Variants in RIT2 observed in about 807,000 individuals in gnomAD.
The protein encoded by RIT2 is Ras like without CAAX 2.
Under a neutral mutation model 23.7 loss-of-function variants are expected in RIT2, and 24 were observed. The ratio of observed to expected loss-of-function variants is 1.01; its 90% CI spans 0.73 to 1.43. The LOEUF is 1.43. RIT2 is among the 40% of genes most tolerant of loss of function. The pLI is 0.00. For missense variants in RIT2, 236 were observed against 266.9 expected, an observed-to-expected ratio of 0.88 and a Z score of 0.81; for synonymous variants, 107 against 91.1, an observed-to-expected ratio of 1.17 and a Z score of -0.99.
At chr18:42,928,977 G>A (rs2144141619) in intron 3 of RIT2, among the ~76,000 whole-genome samples, 1 of 143,274 alleles carries the variant, frequency 7.0e-6, no homozygotes, top group South Asian at 2.2e-4. Flanking sequence ...ATATATGACA[G>A]GCATGTAAGA....
intron 1 of RIT2, among the ~76,000 whole-genome samples, chr18:43,082,194 AG>A (rs1365898069): frequency 4.6e-5 from 7 of 152,252 alleles, no homozygotes; most frequent in Admixed American, 1.3e-4. Context: ...AGGTGTTTAT[AG>A]TATTCTGTAA....
intron 4 of RIT2, among the ~76,000 whole-genome samples, chr18:42,795,482 G>A (rs577876759): frequency 2.6e-5 from 4 of 152,342 alleles, no homozygotes; most frequent in South Asian, 2.1e-4. Context: ...GGCAGGGCTC[G>A]GGACCGGCAG....
At chr18:43,006,463 T>C (rs1192119525) in intron 2 of RIT2, among the ~76,000 whole-genome samples, 1 of 151,540 alleles carries the variant, frequency 6.6e-6, no homozygotes, top group African/African-American at 2.4e-5. Context: ...TAAAATGCAT[T>C]AAGAGCATAA....
chr18:42,926,857 T>A (rs1909191996), intron 3 of RIT2, among the ~76,000 whole-genome samples: 1 of 151,966 alleles, frequency 6.6e-6, no homozygotes, highest in South Asian at 2.1e-4. Flanking sequence ...GGTCTTTATA[T>A]TCCAGAAGCA....
chr18:42,995,264 A>T (rs191793734), intron 2 of RIT2, among the ~76,000 whole-genome samples: 1 of 152,120 alleles, frequency 6.6e-6, no homozygotes, highest in African/African-American at 2.4e-5. Flanking sequence ...CTTCTCAGGG[A>T]TTTTTCAGGC....
At chr18:42,839,582 C>T (rs142714854) in intron 4 of RIT2, among the ~76,000 whole-genome samples, 9 of 152,250 alleles carry the variant, frequency 5.9e-5, no homozygotes, top group Admixed American at 2.0e-4. Flanking sequence ...GTAACAAAGT[C>T]CTGTCTTCAT....
intron 4 of RIT2, among the ~76,000 whole-genome samples, chr18:42,793,937 T>G (rs954342671): frequency 7.9e-5 from 12 of 152,186 alleles, no homozygotes; most frequent in Admixed American, 7.2e-4. Flanking sequence ...TAATGACTTT[T>G]GGAAAAGCCT....
In RIT2 at chr18:42,991,430, G is replaced by A. The variant is rs7236865; in HGVS notation, c.161-17283C>T. 4.4e-3 allele frequency among the ~76,000 whole-genome samples: 669 copies of A among 152,244 alleles called. 3 individuals carry two copies. Among genetic ancestry groups the A allele is most frequent in the African/African-American group, 0.015 (628 of 41,538 alleles). ...AAGTGTACTCTCAAAATTCACTTCC[G>A]TGTATCCACTGCAGGTGATGTAAGC... On this transcript the variant is annotated intron_variant, in intron 2 of 4. Coordinates refer to ENST00000326695, the MANE Select transcript of RIT2 (RefSeq NM_002930.4).
intron 3 of RIT2, among the ~76,000 whole-genome samples, chr18:42,936,661 C>A (rs2144152191): frequency 6.6e-6 from 1 of 152,244 alleles, no homozygotes; most frequent in South Asian, 2.1e-4. Context: ...TATCTCTATA[C>A]TACATGTGGC....
chr18:42,881,298 C>G (rs1907888359), intron 4 of RIT2, among the ~76,000 whole-genome samples: 1 of 152,214 alleles, frequency 6.6e-6, no homozygotes. Context: ...ATTTTGCTAT[C>G]TCAATTTTTA....
rs372231589 is a variant in RIT2, at chr18:42,825,339, C to T, written c.427-81619G>A. The stretch of plus-strand genomic sequence containing the variant: ...TAAGCTTTTAACAGACAGTGTTAAC[C>T]GGGAGATAGGATCAGCCACATAACT... On this transcript the variant is annotated intron_variant, in intron 4 of 4. Transcript: ENST00000326695. Among the ~76,000 whole-genome samples, 6 of 151,606 alleles carry T rather than the reference C, an allele frequency of 4.0e-5. No homozygotes were observed. In the East Asian group the frequency reaches 9.7e-4, roughly 24 times the overall value.
intron 4 of RIT2, among the ~76,000 whole-genome samples, chr18:42,836,167 T>C (rs1906597186): frequency 6.6e-6 from 1 of 152,162 alleles, no homozygotes; most frequent in East Asian, 1.9e-4. Context: ...AACCAACCAA[T>C]ATTAAATAAG....
chr18:42,863,009 A>G (rs1348230079), intron 4 of RIT2, among the ~76,000 whole-genome samples: 1 of 151,276 alleles, frequency 6.6e-6, no homozygotes, highest in African/African-American at 2.4e-5. Flanking sequence ...CACAGATAGC[A>G]ATTTGGGATT....
intron 4 of RIT2, among the ~76,000 whole-genome samples, chr18:42,842,492 T>A (rs1157608234): frequency 3.3e-5 from 5 of 152,200 alleles, no homozygotes; most frequent in Non-Finnish European, 1.5e-5. Flanking sequence ...AGTGTATTAA[T>A]GTAAATATAC....
At chr18:42,832,518 C>T (rs577883577) in intron 4 of RIT2, among the ~76,000 whole-genome samples, 21 of 152,144 alleles carry the variant, frequency 1.4e-4, no homozygotes, top group African/African-American at 5.1e-4. Context: ...ATCCTGAATG[C>T]AAATCTTATC....
chr18:43,064,495 G>A (rs1158492589), intron 1 of RIT2, among the ~76,000 whole-genome samples: 1 of 152,124 alleles, frequency 6.6e-6, no homozygotes, highest in African/African-American at 2.4e-5. Context: ...ATTAAATAAA[G>A]AGATGCAATT....
chr18:43,093,678 G>A (rs1259342371), intron 1 of RIT2, among the ~76,000 whole-genome samples: 1 of 151,960 alleles, frequency 6.6e-6, no homozygotes, highest in Admixed American at 6.6e-5. Flanking sequence ...TTCTCTGTGA[G>A]GTCAGTGAAA....
intron 4 of RIT2, among the ~76,000 whole-genome samples, chr18:42,851,694 CA>C (rs1351467818): frequency 5.9e-5 from 9 of 151,936 alleles, no homozygotes; most frequent in Non-Finnish European, 1.3e-4. Flanking sequence ...TACTAAAATA[CA>C]AAAAATTAGC....
chr18:42,854,147 A>G (rs1321863115), intron 4 of RIT2, among the ~76,000 whole-genome samples: 1 of 152,212 alleles, frequency 6.6e-6, no homozygotes, highest in Non-Finnish European at 1.5e-5. Context: ...ACCATGTCTT[A>G]CGCTACTTTG....
Sources: gnomAD v4.1 joint callset for allele counts (sites outside exome capture counted in the v4.1 genomes callset) on GRCh38, gnomAD v4.1.1 for gene constraint, MANE v1.5 for transcripts, NCBI Gene and HGNC (gene_info 2026-07-23, HGNC 2026-07-21) for gene names.